The following DGCR2 variants were observed in gnomAD, a reference collection of about 807,000 sequenced individuals.
DGCR2 encodes integral membrane protein DGCR2/IDD.
In DGCR2, 24 loss-of-function variants were observed where a neutral mutation model predicts 51.6. That is an observed-to-expected ratio of 0.47 (90% CI 0.34 to 0.65). The LOEUF (loss-of-function observed/expected upper bound fraction) is 0.65, where lower values mean the gene tolerates loss of function less well. Among genes scored for constraint, DGCR2 ranks in the 30% least tolerant of loss-of-function variants. The pLI is 0.01. For synonymous variants in DGCR2, 340 were observed against 315.4 expected (o/e 1.08, Z -0.82); for missense variants, 765 against 772.1 (o/e 0.99, Z 0.11).
chr22:19,078,491 T>C (rs989503367), intron 2 of DGCR2, among the ~76,000 whole-genome samples: 1 of 152,216 alleles, frequency 6.6e-6, no homozygotes, highest in African/African-American at 2.4e-5. Flanking sequence ...TTTTTATATA[T>C]AAAATCATGT....
chr22:19,101,597 TG>T lies in DGCR2; in HGVS notation c.80-12108del, dbSNP rs1273285419. On this transcript the variant is annotated intron_variant, in intron 1 of 9. Coordinates refer to ENST00000263196, the MANE Select transcript of DGCR2 (RefSeq NM_005137.3). ...CTCTACCAAAAGTACAAAAGTTAGCTGGGCGTGGTGGCGCACACCTGTAGTT... is the reference window on the plus strand; with the variant it reads ...CTCTACCAAAAGTACAAAAGTTAGCTGGCGTGGTGGCGCACACCTGTAGTT... Among the ~76,000 whole-genome samples, 4 of 152,010 alleles carry T rather than the reference TG, an allele frequency of 2.6e-5. No homozygotes were observed. The South Asian group carries it at 8.3e-4, about 32-fold the overall frequency.
chr22:19,089,682 G>A lies in DGCR2; in HGVS notation c.80-192C>T, dbSNP rs539825877. Among the ~76,000 whole-genome samples, 3 of 152,352 alleles carry A rather than the reference G, an allele frequency of 2.0e-5. No individual in the cohort carries two copies. In the East Asian group the frequency reaches 5.8e-4, roughly 29 times the overall value. ...TGCAACCTTCACCTTCCGTGTTCAAGCAATTCTTGTCCCTCAGCCTCCTGA... is the reference window on the plus strand; with the variant it reads ...TGCAACCTTCACCTTCCGTGTTCAAACAATTCTTGTCCCTCAGCCTCCTGA... On this transcript the variant is annotated intron_variant, in intron 1 of 9. Coordinates refer to ENST00000263196, the MANE Select transcript of DGCR2 (RefSeq NM_005137.3).
intron 1 of DGCR2, among the ~76,000 whole-genome samples, chr22:19,093,461 C>T (rs77737866): frequency 0.016 from 2,493 of 151,920 alleles, 89 homozygotes; most frequent in East Asian, 0.062. Context: ...ATCTTCGCAC[C>T]CTTGGTTTAA....
At position 19,045,122 on chromosome 22, in the gene DGCR2, A is replaced by C. The variant is rs1040436110; in HGVS notation, c.1007-3163T>G. 4 of 152,178 alleles carry C rather than the reference A, an allele frequency of 2.6e-5. No homozygotes were observed. The South Asian group carries it at 8.3e-4, about 32-fold the overall frequency. The allele number at this position is 152,178 out of a possible 1,614,324, so 9.4% of individuals were successfully genotyped here. On this transcript the variant is annotated intron_variant, in intron 7 of 9. Transcript: ENST00000263196. ...GTTGTGTCTATGACCATTTTGAGTA[A>C]ATTTTACATACAGTAGGAGGGACAG... is the stretch of plus-strand genomic sequence containing the variant.
intron 6 of DGCR2, among the ~76,000 whole-genome samples, chr22:19,054,895 G>T (rs1375311905): frequency 6.6e-6 from 1 of 152,300 alleles, no homozygotes; most frequent in South Asian, 2.1e-4. Context: ...TTGAGGTCAG[G>T]AGTTCAAGAC....
At chr22:19,062,804 C>CTCTCTCTATCTCTA (rs1555903929) in intron 5 of DGCR2, among the ~76,000 whole-genome samples, 1 of 147,960 alleles carries the variant, frequency 6.8e-6, no homozygotes, top group Non-Finnish European at 1.5e-5. Flanking sequence ...CTCTCTCTCT[C>CTCTCTCTATCTCTA]TCTATCTGCC....
chr22:19,061,433 G>C (rs1266712306), intron 5 of DGCR2: 1 of 152,252 alleles, frequency 6.6e-6, no homozygotes, highest in Non-Finnish European at 1.5e-5. Context: ...GCAGACTCCA[G>C]GATACTGGCT....
chr22:19,117,034 C>T (rs546360823), intron 1 of DGCR2, among the ~76,000 whole-genome samples: 1 of 152,172 alleles, frequency 6.6e-6, no homozygotes, highest in Admixed American at 6.5e-5. Context: ...TAAGAGGACA[C>T]GTGCACAGCT....
At chr22:19,095,639 C>A (rs190300540) in intron 1 of DGCR2, among the ~76,000 whole-genome samples, 2,276 of 134,744 alleles carry the variant, frequency 0.017, 88 homozygotes, top group East Asian at 0.071. Context: ...CCAGCCTGGG[C>A]AACAGCGCAA....
rs895183736 is a variant in DGCR2 at position 19,122,406 on chromosome 22, G to A, written c.-200C>T. The A allele has an allele frequency of 2.4e-6, 1 of 419,294 alleles. No individual in the cohort carries two copies. The highest frequency in any genetic ancestry group is 4.2e-6 in the Non-Finnish European group (1 of 236,638). 26.0% of individuals were successfully genotyped at this position (419,294 alleles called of 1,614,324 possible). ...CCTCAGGCACCGACTCCAGCTGCGC[G>A]CAAGATGGCGGCCGTCCTGCTCGGC... On this transcript the variant is annotated 5_prime_UTR_variant, in exon 1 of 10. Transcript: ENST00000263196.
intron 2 of DGCR2, among the ~76,000 whole-genome samples, chr22:19,081,146 A>G (rs982609773): frequency 2.0e-5 from 3 of 152,236 alleles, no homozygotes; most frequent in African/African-American, 7.2e-5. Context: ...GCTGTATAAT[A>G]TGTGAAACAT....
chr22:19,093,886 G>A (rs1005314585), intron 1 of DGCR2, among the ~76,000 whole-genome samples: 1 of 151,810 alleles, frequency 6.6e-6, no homozygotes, highest in Admixed American at 6.6e-5. Context: ...CATGCCTGTA[G>A]TCCCAGCTAC....
chr22:19,041,985 G>T lies in DGCR2; in HGVS notation c.1007-26C>A, dbSNP rs140091923. 2.5e-6 allele frequency: 4 copies of T among 1,604,970 alleles called. No homozygotes were observed. The African/African-American group carries it at 5.3e-5, about 21-fold the overall frequency. ...CTGAGGGGGAGGGGAGGAAATGGCC[G>T]CTCTGAGAAGGGGGCCACCCTCGTG... On this transcript the variant is annotated intron_variant, in intron 7 of 9. Transcript: ENST00000263196.
At chr22:19,046,832 C>A in intron 7 of DGCR2, 1 of 349,054 alleles carries the variant, frequency 2.9e-6, no homozygotes, top group Non-Finnish European at 6.1e-6. Context: ...GCTAAGAAGT[C>A]CTTGGGGCTG....
chr22:19,063,978 G>A (rs1300040596), intron 4 of DGCR2, among the ~76,000 whole-genome samples: 2 of 152,158 alleles, frequency 1.3e-5, no homozygotes, highest in Admixed American at 6.5e-5. Flanking sequence ...ACACTTGCAC[G>A]GCTTCCCACT....
chr22:19,109,182 C>T (rs192727103), intron 1 of DGCR2, among the ~76,000 whole-genome samples: 6 of 152,266 alleles, frequency 3.9e-5, no homozygotes, highest in Admixed American at 3.9e-4. Flanking sequence ...AACTCATGTA[C>T]ATCGTTGGTA....
At chr22:19,111,009 T>C (rs113612065) in intron 1 of DGCR2, among the ~76,000 whole-genome samples, 5,402 of 152,340 alleles carry the variant, frequency 0.035, 291 homozygotes, top group African/African-American at 0.12. Context: ...TATTCAGTTA[T>C]ACACATTTTT....
At chr22:19,069,758 C>T (rs750831545) in intron 2 of DGCR2, among the ~76,000 whole-genome samples, 106 of 152,258 alleles carry the variant, frequency 7.0e-4, no homozygotes, top group Non-Finnish European at 1.2e-3. Flanking sequence ...ACACCTTGTA[C>T]ACAAGTGCGT....
At chr22:19,082,061 T>C (rs113517660) in intron 2 of DGCR2, among the ~76,000 whole-genome samples, 1 of 135,898 alleles carries the variant, frequency 7.4e-6, no homozygotes, top group African/African-American at 2.7e-5. Flanking sequence ...TGGGGTTTTT[T>C]TTGTTTTTTT....
Sources: gnomAD v4.1 joint callset for allele counts (sites outside exome capture counted in the v4.1 genomes callset) on GRCh38, gnomAD v4.1.1 for gene constraint, MANE v1.5 for transcripts, NCBI Gene and HGNC (gene_info 2026-07-23, HGNC 2026-07-21) for gene names.